Variants in FAT1 observed in about 807,000 individuals in gnomAD.
FAT1 encodes protocadherin Fat 1.
In FAT1, 171 loss-of-function variants were observed where a neutral mutation model predicts 329.8. The ratio of observed to expected loss-of-function variants is 0.52; its 90% CI spans 0.46 to 0.59. The LOEUF is 0.59. Among genes scored for constraint, FAT1 ranks in the 20% least tolerant of loss-of-function variants. FAT1 has a pLI of 0.00. For synonymous variants in FAT1, 2,233 were observed against 2,228.6 expected (o/e 1.00, Z -0.06); for missense variants, 5,672 against 5,774.4 (o/e 0.98, Z 0.57).
chr4:186,621,076 T>C lies in FAT1; in HGVS notation c.5510A>G (p.Tyr1837Cys), dbSNP rs375087017. ...AAAGTGAAAAATACTTGTTTCTTCA[T>C]AGTCCAGACTTAGTACTGTATGAAT... ...GAIHTVLSLDYEETSIFHFTV... is the reference protein window; with the variant it reads ...GAIHTVLSLDCEETSIFHFTV... Residue 1837 changes from tyrosine (Y) to cysteine (C), a missense_variant, in exon 10 of 27, where the codon TAT (tyrosine) becomes TGT (cysteine). Physicochemically the swap from Tyr to Cys is radical, Grantham distance 194. This residue lies in a region of FAT1 where 3,966 missense variants were observed against 3,915.2 expected (regional missense o/e 1.01). Transcript: ENST00000441802. 3.9e-5 allele frequency: 63 copies of C among 1,613,396 alleles called. No homozygotes were observed. The highest frequency in any genetic ancestry group is 1.0e-4 in the Admixed American group (6 of 60,010).
chr4:186,718,960 T>G (rs957899061), intron 1 of FAT1, among the ~76,000 whole-genome samples: 1 of 151,778 alleles, frequency 6.6e-6, no homozygotes, highest in Non-Finnish European at 1.5e-5. Context: ...CACCACTCAC[T>G]CCCCTCCCCA....
intron 2 of FAT1, among the ~76,000 whole-genome samples, chr4:186,670,632 A>G (rs543430147): frequency 6.6e-6 from 1 of 152,348 alleles, no homozygotes; most frequent in South Asian, 2.1e-4. Flanking sequence ...GTTAATCACT[A>G]AAAACATCAA....
chr4:186,703,122 T>A (rs1744405528), intron 2 of FAT1, among the ~76,000 whole-genome samples: 1 of 152,024 alleles, frequency 6.6e-6, no homozygotes, highest in Non-Finnish European at 1.5e-5. Context: ...TTCACCAACA[T>A]CCAGAGGCCT....
At position 186,606,156 on chromosome 4, in the gene FAT1, T is replaced by G. The variant is rs1244064786; in HGVS notation, c.10264A>C (p.Asn3422His). ...ASDNGSPPRV[N>H]TTTVNIDVSD... ...ACATCGATGTTCACGGTCGTCGTGTTGACTCTGGGTGGACTGCCATTATCA... is the reference window on the plus strand; with the variant it reads ...ACATCGATGTTCACGGTCGTCGTGTGGACTCTGGGTGGACTGCCATTATCA... Residue 3422 changes from asparagine to histidine, a missense_variant, in exon 17 of 27, where the codon AAC (asparagine) becomes CAC (histidine). This residue lies in a region of FAT1 where 1,706 missense variants were observed against 1,859.1 expected (regional missense o/e 0.92). Transcript: ENST00000441802. The G allele has an allele frequency of 6.2e-7, 1 of 1,612,234 alleles. No individual in the cohort carries two copies. The highest frequency in any genetic ancestry group is 1.3e-5 in the African/African-American group (1 of 74,514).
Position 186,621,216 on chromosome 4 carries a change from G to C in FAT1, c.5370C>G (p.Val1790=), listed in dbSNP as rs2126523239. The change falls in exon 10 of 27, where the codon GTC becomes GTG. Residue 1790 remains valine, a synonymous_variant. Transcript: ENST00000441802. The part of the protein sequence containing the change: ...INSVVLTDRN[V]PLVIRAADAD... Reference sequence around the variant, plus strand: ...CATCAGCTGCTCGAATCACCAGTGGGACATTCCTGTCTGTTAGGACCACGC... The same window carrying C: ...CATCAGCTGCTCGAATCACCAGTGGCACATTCCTGTCTGTTAGGACCACGC... 1 of 1,614,000 alleles carries C rather than the reference G, an allele frequency of 6.2e-7. No individual in the cohort carries two copies. Among genetic ancestry groups the C allele is most frequent in the South Asian group, 1.1e-5 (1 of 91,072 alleles).
At chr4:186,676,894 T>C (rs1742982634) in intron 2 of FAT1, among the ~76,000 whole-genome samples, 1 of 152,162 alleles carries the variant, frequency 6.6e-6, no homozygotes, top group Non-Finnish European at 1.5e-5. Context: ...CTAAGAATCA[T>C]ATGCAATTCA....
chr4:186,675,334 G>A (rs572075321), intron 2 of FAT1, among the ~76,000 whole-genome samples: 1 of 152,182 alleles, frequency 6.6e-6, no homozygotes, highest in Admixed American at 6.5e-5. Context: ...TCAGCATGGT[G>A]GTGTGCCCTG....
rs2126499200 is a variant in FAT1, at chr4:186,618,814, T to C, written c.7772A>G (p.Asp2591Gly). 1.2e-6 allele frequency: 2 copies of C among 1,614,044 alleles called. No homozygotes were observed. Among genetic ancestry groups the C allele is most frequent in the Non-Finnish European group, 1.7e-6 (2 of 1,179,892 alleles). ...GGTTGCTCGAAATTGTGGTGCATTG[T>C]CATTGTCATCTGTAAGGATGACATT... is the stretch of plus-strand genomic sequence containing the variant. ...TVNVILTDDN[D>G]NAPQFRATKY... The change falls in exon 10 of 27, where the codon GAC (aspartate) becomes GGC (glycine). Residue 2591 changes from aspartate (D) to glycine (G), a missense_variant. Asp to Gly is a moderately conservative substitution (Grantham distance 94). This residue lies in a region of FAT1 where 3,966 missense variants were observed against 3,915.2 expected (regional missense o/e 1.01). Transcript: ENST00000441802.
intron 2 of FAT1, among the ~76,000 whole-genome samples, chr4:186,672,784 A>T (rs947230783): frequency 2.0e-5 from 3 of 152,170 alleles, no homozygotes; most frequent in African/African-American, 7.2e-5. Flanking sequence ...AATCGTGCTA[A>T]ATGTTTGGAG....
At chr4:186,598,670 A>AC (rs1738649217) in intron 22 of FAT1, 1 of 152,310 alleles carries the variant, frequency 6.6e-6, no homozygotes, top group Non-Finnish European at 1.5e-5. Context: ...CTGGAACTAG[A>AC]GGCATGCCAC....
rs371178552 is a variant in FAT1, at chr4:186,623,776, A to G, written c.4811-2001T>C. On this transcript the variant is annotated intron_variant, in intron 9 of 26. Coordinates refer to ENST00000441802, the MANE Select transcript of FAT1 (RefSeq NM_005245.4). Reference sequence around the variant, plus strand: ...TCTCCTGGAAGAGTCTCCTCCCGCTATTCTTACTGTTTCTGTCTCATCGCC... The same window carrying G: ...TCTCCTGGAAGAGTCTCCTCCCGCTGTTCTTACTGTTTCTGTCTCATCGCC... Among the ~76,000 whole-genome samples the G allele has an allele frequency of 1.3e-4, 20 of 152,280 alleles. No homozygotes were observed. The East Asian group carries it at 3.5e-3, about 26-fold the overall frequency.
At chr4:186,673,969 T>A (rs1056665884) in intron 2 of FAT1, among the ~76,000 whole-genome samples, 2 of 152,190 alleles carry the variant, frequency 1.3e-5, no homozygotes, top group African/African-American at 2.4e-5. Context: ...GTTAATTGGA[T>A]AAAACTACAT....
At chr4:186,604,895 T>C (rs891045473) in intron 17 of FAT1, among the ~76,000 whole-genome samples, 1 of 132,788 alleles carries the variant, frequency 7.5e-6, no homozygotes, top group Non-Finnish European at 1.6e-5. Context: ...GGAGGAGGAG[T>C]GTAGGAGAAG....
chr4:186,680,817 G>GA (rs1743175111), intron 2 of FAT1, among the ~76,000 whole-genome samples: 1 of 152,164 alleles, frequency 6.6e-6, no homozygotes, highest in African/African-American at 2.4e-5. Flanking sequence ...GTCTACGTTC[G>GA]AGAGTGGCAC....
chr4:186,603,101 G>A (rs1418256392), intron 19 of FAT1, 67 bp from the exon 20 acceptor site: 2 of 1,610,010 alleles, frequency 1.2e-6, no homozygotes, highest in African/African-American at 2.7e-5. Flanking sequence ...CACCTTTCAT[G>A]TATAGCCATC....
At position 186,601,346 on chromosome 4, in the gene FAT1, G is replaced by A. The variant is rs1579298314; in HGVS notation, c.11563C>T (p.Leu3855=). 9 of 1,613,064 alleles carry A rather than the reference G, an allele frequency of 5.6e-6. No homozygotes were observed. The highest frequency in any genetic ancestry group is 1.7e-4 in the Middle Eastern group (1 of 6,058). Residue 3855 remains leucine, a synonymous_variant, in exon 21 of 27, where the codon CTG becomes TTG. Transcript: ENST00000441802. The part of the protein sequence containing the change: ...TENENKLEMK[L]TMRLRTYSTH... ...GAATATGTTCTGAGCCTCATGGTCA[G>A]TTTCATCTCTAATTTGTTTTCATTT...
rs200029462 is a variant in FAT1 at position 186,613,124 on chromosome 4, T to C, written c.9448A>G (p.Thr3150Ala). 1.6e-4 allele frequency: 262 copies of C among 1,610,982 alleles called. 4 individuals are homozygous for C. In the South Asian group the frequency reaches 2.2e-3, roughly 14 times the overall value. ...PGTLLTRVQA[T>A]DADAGLNRKI... is the part of the protein sequence containing the mutation. ...CGGGAGATACCTGCGTCGGCATCTG[T>C]GGCCTGCACTCTTGTCAGCAGCGTT... The change falls in exon 13 of 27, where the codon ACA becomes GCA. Residue 3150 changes from threonine (T) to alanine (A), a missense_variant. Coordinates refer to ENST00000441802, the MANE Select transcript of FAT1 (RefSeq NM_005245.4).
intron 2 of FAT1, among the ~76,000 whole-genome samples, chr4:186,674,592 T>A (rs1457060217): frequency 6.6e-6 from 1 of 152,052 alleles, no homozygotes; most frequent in East Asian, 1.9e-4. Context: ...TTATAACAAC[T>A]AAAGGAAGGC....
In FAT1 at chr4:186,628,506, C is replaced by A; in HGVS notation, c.4581G>T (p.Gln1527His). 1 of 1,613,994 alleles carries A rather than the reference C, an allele frequency of 6.2e-7. No homozygotes were observed. Among genetic ancestry groups the A allele is most frequent in the Non-Finnish European group, 8.5e-7 (1 of 1,179,884 alleles). The change falls in exon 8 of 27, where the codon CAG becomes CAT. Residue 1527 changes from glutamine to histidine, a missense_variant. Gln to His is a conservative substitution (Grantham distance 24). Coordinates refer to ENST00000441802, the MANE Select transcript of FAT1 (RefSeq NM_005245.4). ...CGCCTACCATGACCGTGAGGGTGTGCTGGTGAACAGCTTCATGATCCAGTT... is the reference window on the plus strand; with the variant it reads ...CGCCTACCATGACCGTGAGGGTGTGATGGTGAACAGCTTCATGATCCAGTT... ...SEKLDHEAVH[Q>H]HTLTVMVRDQ...
Sources: allele counts gnomAD v4.1 joint callset (sites outside exome capture counted in the v4.1 genomes callset), GRCh38; gene constraint gnomAD v4.1.1; regional missense constraint gnomAD v4.1.1; transcripts MANE v1.5; gene names NCBI Gene and HGNC (gene_info 2026-07-23, HGNC 2026-07-21).